The following SLC24A2 variants were observed in gnomAD, a reference collection of about 807,000 sequenced individuals.
SLC24A2 encodes the protein solute carrier family 24 member 2.
Under a neutral mutation model 62.0 loss-of-function variants are expected in SLC24A2, and 36 were observed. The observed-to-expected ratio is 0.58, with a 90% CI of 0.44 to 0.77. SLC24A2 has a LOEUF of 0.77. Ranked by LOEUF, SLC24A2 falls within the 30% of genes least tolerant of loss-of-function variation. The pLI, the probability that SLC24A2 is intolerant of heterozygous loss-of-function variation, is 0.00. For missense variants in SLC24A2, 846 were observed against 817.9 expected (o/e 1.03, Z -0.42); for synonymous variants, 358 against 294.0 (o/e 1.22, Z -2.23).
the SLC24A2 span, among the ~76,000 whole-genome samples, chr9:20,267,821 G>T: frequency 6.6e-6 from 1 of 152,134 alleles, no homozygotes; most frequent in Non-Finnish European, 1.5e-5. Flanking sequence ...CTGGTTCATG[G>T]ACCTAAGAAG....
At chr9:20,185,238 A>T in the SLC24A2 span, among the ~76,000 whole-genome samples, 1 of 152,224 alleles carries the variant, frequency 6.6e-6, no homozygotes, top group Non-Finnish European at 1.5e-5. Context: ...CTCACCACAC[A>T]AAAAGTATGG....
At chr9:20,302,212 G>A in the SLC24A2 span, among the ~76,000 whole-genome samples, 1 of 152,128 alleles carries the variant, frequency 6.6e-6, no homozygotes, top group Non-Finnish European at 1.5e-5. Flanking sequence ...GTAGGTTTTT[G>A]TACAATTTTC....
At chr9:19,695,667 G>T (rs1034830387) in intron 2 of SLC24A2, among the ~76,000 whole-genome samples, 1 of 100,668 alleles carries the variant, frequency 9.9e-6, no homozygotes, top group Non-Finnish European at 1.8e-5. Flanking sequence ...TAGCAGCATT[G>T]CTTGTTAGTA....
the SLC24A2 span, among the ~76,000 whole-genome samples, chr9:19,978,048 C>T: frequency 4.6e-5 from 7 of 151,990 alleles, no homozygotes; most frequent in African/African-American, 7.3e-5. Flanking sequence ...CATTTCCTGC[C>T]GGGATAAATA....
chr9:19,528,553 A>G (rs1324423281), intron 8 of SLC24A2, among the ~76,000 whole-genome samples: 1 of 152,176 alleles, frequency 6.6e-6, no homozygotes, highest in Non-Finnish European at 1.5e-5. Context: ...CTTGCAAACC[A>G]TGAATCCTAA....
At chr9:20,302,644 C>T in the SLC24A2 span, among the ~76,000 whole-genome samples, 3 of 152,088 alleles carry the variant, frequency 2.0e-5, no homozygotes, top group African/African-American at 7.2e-5. Context: ...TATCAGACTG[C>T]CTTTTGCAAA....
chr9:19,765,044 T>G (rs551582795), intron 2 of SLC24A2, among the ~76,000 whole-genome samples: 2 of 152,248 alleles, frequency 1.3e-5, no homozygotes, highest in Admixed American at 1.3e-4. Context: ...TTTACCATTA[T>G]GTAATGACCT....
At chr9:20,044,296 T>C in the SLC24A2 span, among the ~76,000 whole-genome samples, 5 of 152,212 alleles carry the variant, frequency 3.3e-5, no homozygotes, top group Non-Finnish European at 7.3e-5. Flanking sequence ...AACCTGAACC[T>C]GAAATATCTC....
chr9:19,864,123 T>G, the SLC24A2 span, among the ~76,000 whole-genome samples: 2 of 151,834 alleles, frequency 1.3e-5, no homozygotes, highest in African/African-American at 4.8e-5. Context: ...CTTACCAAGA[T>G]TGAACCATGA....
chr9:20,048,927 T>A, the SLC24A2 span, among the ~76,000 whole-genome samples: 6 of 151,654 alleles, frequency 4.0e-5, no homozygotes, highest in East Asian at 9.6e-4. Context: ...TATGTATTTT[T>A]TATTTATTTT....
the SLC24A2 span, among the ~76,000 whole-genome samples, chr9:19,860,291 G>A: frequency 1.3e-5 from 2 of 152,164 alleles, no homozygotes; most frequent in African/African-American, 4.8e-5. Context: ...TCACAGTCAT[G>A]AGACCCTTTT....
the SLC24A2 span, among the ~76,000 whole-genome samples, chr9:20,006,548 T>C: frequency 5.3e-5 from 8 of 152,136 alleles, no homozygotes; most frequent in African/African-American, 9.7e-5. Flanking sequence ...TTATTAAGCA[T>C]TGCATGCCTG....
the SLC24A2 span, among the ~76,000 whole-genome samples, chr9:20,167,719 G>C: frequency 1.3e-5 from 2 of 151,904 alleles, no homozygotes; most frequent in Non-Finnish European, 2.9e-5. Flanking sequence ...CAGTAAAACA[G>C]AGGTGAATTA....
intron 7 of SLC24A2, among the ~76,000 whole-genome samples, chr9:19,572,781 A>G (rs1358622130): frequency 6.6e-6 from 1 of 152,232 alleles, no homozygotes; most frequent in Non-Finnish European, 1.5e-5. Context: ...CAACTACTAG[A>G]CTGAAAAGTT....
the SLC24A2 span, among the ~76,000 whole-genome samples, chr9:19,869,805 G>A: frequency 6.6e-6 from 1 of 151,948 alleles, no homozygotes. Flanking sequence ...ATATCTTTGT[G>A]GATCTTTTGT....
intron 2 of SLC24A2, among the ~76,000 whole-genome samples, chr9:19,769,602 A>C (rs183414472): frequency 6.6e-6 from 1 of 152,146 alleles, no homozygotes; most frequent in Non-Finnish European, 1.5e-5. Flanking sequence ...ATATTTTTCT[A>C]TGTTCTTATG....
At chr9:20,040,304 G>A in the SLC24A2 span, among the ~76,000 whole-genome samples, 1 of 152,224 alleles carries the variant, frequency 6.6e-6, no homozygotes, top group African/African-American at 2.4e-5. Flanking sequence ...TATGGGAGAA[G>A]TTTGAGAGAC....
At chr9:19,778,576 T>C (rs1006143182) in intron 2 of SLC24A2, among the ~76,000 whole-genome samples, 8 of 152,188 alleles carry the variant, frequency 5.3e-5, no homozygotes, top group African/African-American at 1.2e-4. Flanking sequence ...CCTTAAGAAT[T>C]TTTAAGCACA....
intron 2 of SLC24A2, among the ~76,000 whole-genome samples, chr9:19,715,229 G>C (rs972155105): frequency 6.6e-6 from 1 of 152,108 alleles, no homozygotes; most frequent in Admixed American, 6.5e-5. Context: ...GTTTTGTATA[G>C]TATTTGCAAG....
Sources: allele counts gnomAD v4.1 joint callset (sites outside exome capture counted in the v4.1 genomes callset), GRCh38; gene constraint gnomAD v4.1.1; transcripts MANE v1.5; gene names NCBI Gene and HGNC (gene_info 2026-07-23, HGNC 2026-07-21).